Variants in SLC35F1 observed in about 807,000 individuals in gnomAD.
The protein encoded by SLC35F1 is chromosome 6 open reading frame 169.
Under a neutral mutation model 48.7 loss-of-function variants are expected in SLC35F1, and 14 were observed. The ratio of observed to expected loss-of-function variants is 0.29; its 90% CI spans 0.19 to 0.45. The LOEUF (loss-of-function observed/expected upper bound fraction) is 0.45. Ranked by LOEUF, SLC35F1 falls within the 20% of genes least tolerant of loss-of-function variation. The probability of loss-of-function intolerance (pLI) is 1.00; values close to 1 mark genes in which losing one functional copy is unlikely to be tolerated. For missense variants in SLC35F1, 404 were observed against 500.0 expected, an observed-to-expected ratio of 0.81 and a Z score of 1.83; for synonymous variants, 190 against 202.2, an observed-to-expected ratio of 0.94 and a Z score of 0.51.
In SLC35F1 at chr6:118,131,779, A is replaced by AATTATATTAT. The variant is rs3079952; in HGVS notation, c.174-22660_174-22651dup. Reference sequence around the variant, plus strand: ...ATAGGTGAATTTACTCCATTATACTAATTATATTATATTATTTGCACACAT... The same window carrying AATTATATTAT: ...ATAGGTGAATTTACTCCATTATACTAATTATATTATATTATATTATATTATTTGCACACAT... On this transcript the variant is annotated intron_variant, in intron 1 of 7. Transcript: ENST00000360388. 4.0e-5 allele frequency among the ~76,000 whole-genome samples: 6 copies of AATTATATTAT among 150,140 alleles called. No homozygotes were observed. In the South Asian group the frequency reaches 1.0e-3, roughly 26 times the overall value.
chr6:118,070,338 C>A (rs1397792834), intron 1 of SLC35F1, among the ~76,000 whole-genome samples: 2 of 152,020 alleles, frequency 1.3e-5, no homozygotes, highest in Non-Finnish European at 2.9e-5. Flanking sequence ...AGTTTTATTT[C>A]CAAGTGGCAG....
At position 118,004,307 on chromosome 6, in the gene SLC35F1, C is replaced by T. The variant is rs532142466; in HGVS notation, c.173+96408C>T. Among the ~76,000 whole-genome samples, 11 of 152,176 alleles carry T rather than the reference C, an allele frequency of 7.2e-5. No homozygotes were observed. In the South Asian group the frequency reaches 1.9e-3, roughly 26 times the overall value. Reference sequence around the variant, plus strand: ...TCTAAATGTTCTTATGGAGAAATATCCACAAAAACGTTTGGGGTTACATTT... The same window carrying T: ...TCTAAATGTTCTTATGGAGAAATATTCACAAAAACGTTTGGGGTTACATTT... On this transcript the variant is annotated intron_variant, in intron 1 of 7. Coordinates refer to ENST00000360388, the MANE Select transcript of SLC35F1 (RefSeq NM_001029858.4).
chr6:117,914,050 CA>C (rs1775795770), intron 1 of SLC35F1, among the ~76,000 whole-genome samples: 1 of 151,834 alleles, frequency 6.6e-6, no homozygotes, highest in Admixed American at 6.6e-5. Flanking sequence ...AACTCCATCT[CA>C]AAAAAATCCC....
intron 6 of SLC35F1, among the ~76,000 whole-genome samples, chr6:118,281,354 T>C (rs1022495151): frequency 3.3e-5 from 5 of 152,100 alleles, no homozygotes; most frequent in Non-Finnish European, 7.4e-5. Context: ...CTATGTGACC[T>C]AAGGGCAAGT....
intron 1 of SLC35F1, among the ~76,000 whole-genome samples, chr6:117,969,958 G>A (rs1203188225): frequency 6.6e-6 from 1 of 152,082 alleles, no homozygotes; most frequent in African/African-American, 2.4e-5. Flanking sequence ...GAACTAATTG[G>A]TATTCTAACA....
intron 1 of SLC35F1, among the ~76,000 whole-genome samples, chr6:117,917,093 G>A (rs926301387): frequency 6.6e-6 from 1 of 152,130 alleles, no homozygotes. Context: ...AATTTGGCTG[G>A]TCAGGCCTCT....
At chr6:118,235,404 T>G (rs1306125643) in intron 2 of SLC35F1, 105 bp from the exon 3 acceptor site, 13 of 1,092,960 alleles carry the variant, frequency 1.2e-5, no homozygotes, top group African/African-American at 1.6e-5. Context: ...TTGGTAAACT[T>G]TAGGTTAAAA....
intron 7 of SLC35F1, among the ~76,000 whole-genome samples, chr6:118,306,024 G>A (rs999336151): frequency 1.3e-5 from 2 of 152,076 alleles, no homozygotes; most frequent in Non-Finnish European, 2.9e-5. Flanking sequence ...TGCCCTAAAG[G>A]ACCTCCTCCT....
intron 2 of SLC35F1, among the ~76,000 whole-genome samples, chr6:118,193,432 A>G (rs889705674): frequency 1.3e-5 from 2 of 152,188 alleles, no homozygotes; most frequent in Non-Finnish European, 2.9e-5. Flanking sequence ...TTCTTTTTAT[A>G]AGATTGATTT....
At chr6:118,062,076 A>AT (rs2114276095) in intron 1 of SLC35F1, among the ~76,000 whole-genome samples, 1 of 151,830 alleles carries the variant, frequency 6.6e-6, no homozygotes, top group South Asian at 2.1e-4. Flanking sequence ...AAAAAAAATG[A>AT]TTATAAGTAA....
At chr6:118,018,961 AGACTGAAAATCATTT>A in intron 1 of SLC35F1, among the ~76,000 whole-genome samples, 1 of 152,220 alleles carries the variant, frequency 6.6e-6, no homozygotes, top group Non-Finnish European at 1.5e-5. Flanking sequence ...CTGTCAGAAT[AGACTGAAAATCATTT>A]GAAATAATTT....
chr6:117,960,739 A>G (rs1776487400), intron 1 of SLC35F1, among the ~76,000 whole-genome samples: 1 of 152,182 alleles, frequency 6.6e-6, no homozygotes, highest in Non-Finnish European at 1.5e-5. Flanking sequence ...AGAACAATTA[A>G]TAGTATAGGC....
At chr6:117,986,290 C>G (rs868019245) in intron 1 of SLC35F1, among the ~76,000 whole-genome samples, 15 of 152,120 alleles carry the variant, frequency 9.9e-5, no homozygotes, top group African/African-American at 3.6e-4. Context: ...CCATCAGAGA[C>G]CACTCTTGGA....
intron 1 of SLC35F1, among the ~76,000 whole-genome samples, chr6:117,923,763 G>GTATATATGTACATATATGTATATATA: frequency 5.5e-5 from 1 of 18,076 alleles, no homozygotes; most frequent in Admixed American, 5.9e-4. Context: ...ATATACATAT[G>GTATATATGTACATATATGTATATATA]CACATACATA....
chr6:118,252,557 A>G (rs1270172032), intron 3 of SLC35F1, among the ~76,000 whole-genome samples: 1 of 152,168 alleles, frequency 6.6e-6, no homozygotes, highest in Non-Finnish European at 1.5e-5. Context: ...TAGACATCCA[A>G]GCAGAGCTTG....
intron 1 of SLC35F1, among the ~76,000 whole-genome samples, chr6:118,068,438 G>A (rs1772649925): frequency 6.6e-6 from 1 of 152,176 alleles, no homozygotes; most frequent in Non-Finnish European, 1.5e-5. Context: ...CAGATAGGAA[G>A]AGGTGAGGAC....
At chr6:117,948,329 T>G (rs981875490) in intron 1 of SLC35F1, among the ~76,000 whole-genome samples, 1 of 152,206 alleles carries the variant, frequency 6.6e-6, no homozygotes, top group African/African-American at 2.4e-5. Flanking sequence ...AGCTACCATA[T>G]CTTGATACTG....
chr6:118,270,837 T>C (rs990920918), intron 4 of SLC35F1, among the ~76,000 whole-genome samples: 5 of 152,180 alleles, frequency 3.3e-5, no homozygotes, highest in African/African-American at 1.2e-4. Context: ...CCAGGACTTC[T>C]CTGCTTGCCT....
chr6:117,916,680 A>T (rs934856706), intron 1 of SLC35F1, among the ~76,000 whole-genome samples: 1 of 152,246 alleles, frequency 6.6e-6, no homozygotes, highest in African/African-American at 2.4e-5. Flanking sequence ...ACAGCAGCCC[A>T]GGTCTGTAGA....
Sources: allele counts gnomAD v4.1 joint callset (sites outside exome capture counted in the v4.1 genomes callset), GRCh38; gene constraint gnomAD v4.1.1; transcripts MANE v1.5; gene names NCBI Gene and HGNC (gene_info 2026-07-23, HGNC 2026-07-21).